The following ZNF681 variants were observed in gnomAD, a reference collection of about 807,000 sequenced individuals.
The protein encoded by ZNF681 is hypothetical protein FLJ31526.
Under a neutral mutation model 56.0 loss-of-function variants are expected in ZNF681, and 37 were observed. That is an observed-to-expected ratio of 0.66 (90% confidence interval 0.51 to 0.87). The LOEUF is 0.87. ZNF681 is among the 40% of genes least tolerant of loss of function. The probability of loss-of-function intolerance (pLI) is 0.00; values close to 1 mark genes in which losing one functional copy is unlikely to be tolerated. For missense variants in ZNF681, 741 were observed against 744.9 expected, an observed-to-expected ratio of 0.99 and a Z score of 0.06; for synonymous variants, 225 against 248.6, an observed-to-expected ratio of 0.91 and a Z score of 0.89.
Position 23,754,840 on chromosome 19 carries a change from A to C in ZNF681, c.209T>G (p.Met70Arg). The change falls in exon 3 of 4, where the codon ATG becomes AGG. Residue 70 changes from methionine to arginine, a missense_variant. Physicochemically the swap from Met to Arg is moderately conservative, Grantham distance 91 (BLOSUM62 -1). Coordinates refer to ENST00000402377, the MANE Select transcript of ZNF681 (RefSeq NM_138286.3). ...TCACCTACCTGGGGGTTCGGCCACCATCCTATGTCTCTTTCTAGTCCAAGG... is the reference window on the plus strand; with the variant it reads ...TCACCTACCTGGGGGTTCGGCCACCCTCCTATGTCTCTTTCTAGTCCAAGG... ...KEPWTRKRHR[M>R]VAEPPVICSH... The C allele has an allele frequency of 6.2e-7, 1 of 1,614,134 alleles. No individual in the cohort carries two copies.
At chr19:23,749,339 A>G (rs960483062) in intron 3 of ZNF681, among the ~76,000 whole-genome samples, 7 of 152,288 alleles carry the variant, frequency 4.6e-5, no homozygotes, top group Non-Finnish European at 5.9e-5. Flanking sequence ...GAGAGGGTAA[A>G]ATGTTCAGCT....
Position 23,744,836 on chromosome 19 carries a change from G to T in ZNF681, c.714C>A (p.Phe238Leu), listed in dbSNP as rs1176740400. ...CEECGKACNQ[F>L]TNLTTHKIIY... ...TTATCTTATGTGTAGTAAGGTTTGTGAACTGGTTACAGGCTTTGCCACATT... is the reference window on the plus strand; with the variant it reads ...TTATCTTATGTGTAGTAAGGTTTGTTAACTGGTTACAGGCTTTGCCACATT... The change falls in exon 4 of 4, where the codon TTC becomes TTA. Residue 238 changes from phenylalanine to leucine, a missense_variant. Transcript: ENST00000402377. 6.2e-7 allele frequency: 1 copy of T among 1,610,178 alleles called. No individual in the cohort carries two copies. Among genetic ancestry groups the T allele is most frequent in the Non-Finnish European group, 8.5e-7 (1 of 1,179,454 alleles).
At position 23,744,352 on chromosome 19, in the gene ZNF681, C is replaced by T. The variant is rs756580364; in HGVS notation, c.1198G>A (p.Gly400Ser). The change falls in exon 4 of 4, where the codon GGC becomes AGC. Residue 400 changes from glycine to serine, a missense_variant. Gly to Ser is a moderately conservative substitution (Grantham distance 56). Coordinates refer to ENST00000402377, the MANE Select transcript of ZNF681 (RefSeq NM_138286.3). ...TGTGAGGACTTGTTAAAAGCTTTGC[C>T]ACATTCTTCACATTTGTAGGGTTTC... ...GEKPYKCEECGKAFNKSSHLT... is the reference protein window; with the variant it reads ...GEKPYKCEECSKAFNKSSHLT... The T allele has an allele frequency of 2.5e-6, 4 of 1,613,868 alleles. No homozygotes were observed. The highest frequency in any genetic ancestry group is 2.2e-5 in the South Asian group (2 of 91,074).
At position 23,745,156 on chromosome 19, in the gene ZNF681, G is replaced by T. The variant is rs1419900477; in HGVS notation, c.394C>A (p.Gln132Lys). The change falls in exon 4 of 4, where the codon CAA (glutamine) becomes AAA (lysine). Residue 132 changes from glutamine (Q) to lysine (K), a missense_variant. Physicochemically the swap from Gln to Lys is moderately conservative, Grantham distance 53 (BLOSUM62 1). Transcript: ENST00000402377. ...VQKGGYNGLN[Q>K]CLPTTQSKIF... ...TTGCTCTGGGTAGTTGGCAAACATT[G>T]GTTAAGTCCATTATAACCTCCTTTT... 1 of 1,612,336 alleles carries T rather than the reference G, an allele frequency of 6.2e-7. No homozygotes were observed.
At position 23,740,240 on chromosome 19, in the gene ZNF681, AC is replaced by A. The variant is rs1278489076; in HGVS notation, c.*3371del. The A allele has an allele frequency of 3.3e-5, 5 of 152,184 alleles. No individual in the cohort carries two copies. The highest frequency in any genetic ancestry group is 7.4e-5 in the Non-Finnish European group (5 of 68,024). The allele number at this position is 152,184 out of a possible 1,614,324, so 9.4% of individuals were successfully genotyped here. Reference sequence around the variant, plus strand: ...ACCAATCTTGCAGTGCATTAAAAATACCGATTTCTCATCAAAACCTACAATA... The same window carrying A: ...ACCAATCTTGCAGTGCATTAAAAATACGATTTCTCATCAAAACCTACAATA... On this transcript the variant is annotated 3_prime_UTR_variant, in exon 4 of 4. Transcript: ENST00000402377.
chr19:23,757,909 G>A (rs1334595624), intron 1 of ZNF681, among the ~76,000 whole-genome samples: 3 of 151,904 alleles, frequency 2.0e-5, no homozygotes, highest in Non-Finnish European at 4.4e-5. Flanking sequence ...CTTAGACCCT[G>A]CCCTATCAAT....
In ZNF681 at chr19:23,743,872, TC is replaced by T; in HGVS notation, c.1677del (p.Lys560AsnfsTer105). 6.2e-7 allele frequency: 1 copy of T among 1,601,148 alleles called. No homozygotes were observed. The highest frequency in any genetic ancestry group is 1.1e-5 in the South Asian group (1 of 90,362). Reference sequence around the variant, plus strand: ...CCACATTCTTCACATTGGTAGGGTTTCTCTCCAGTATGAATTACCTTATGTG... The same window carrying T: ...CCACATTCTTCACATTGGTAGGGTTTTCTCCAGTATGAATTACCTTATGTG... ...LATHKVIHTG[E>X]KPYQCEECGK... On this transcript the variant is annotated frameshift_variant, in exon 4 of 4. Coordinates refer to ENST00000402377, the MANE Select transcript of ZNF681 (RefSeq NM_138286.3). LOFTEE classifies it high-confidence loss of function.
At chr19:23,747,847 G>A (rs1306989683) in intron 3 of ZNF681, among the ~76,000 whole-genome samples, 1 of 151,898 alleles carries the variant, frequency 6.6e-6, no homozygotes, top group Admixed American at 6.6e-5. Flanking sequence ...AAACAGAATA[G>A]AGAGCCCAGA....
Position 23,749,284 on chromosome 19 carries a change from C to T in ZNF681, c.227-3961G>A, listed in dbSNP as rs575149508. On this transcript the variant is annotated intron_variant, in intron 3 of 3. Coordinates refer to ENST00000402377, the MANE Select transcript of ZNF681 (RefSeq NM_138286.3). ...TTATAGGAGATATCTTAAGTAGTCA[C>T]GCTCATAAAAACAGAAAGTAGAAGG... 7.9e-5 allele frequency among the ~76,000 whole-genome samples: 12 copies of T among 152,186 alleles called. No individual in the cohort carries two copies. The East Asian group carries it at 9.6e-4, about 12-fold the overall frequency.
chr19:23,750,407 ACATATGG>A (rs1568311354), intron 3 of ZNF681, among the ~76,000 whole-genome samples: 1 of 152,186 alleles, frequency 6.6e-6, no homozygotes, highest in East Asian at 1.9e-4. Flanking sequence ...ATTGTGATAG[ACATATGG>A]CTGATGTACC....
At chr19:23,755,350 C>G (rs1240884532) in intron 2 of ZNF681, 75 bp downstream of exon 2, 3 of 1,514,374 alleles carry the variant, frequency 2.0e-6, no homozygotes, top group Non-Finnish European at 2.6e-6. Flanking sequence ...CATAAATTAC[C>G]TAAAAACATT....
In ZNF681 at chr19:23,740,148, CTG is replaced by C. The variant is rs1478114490; in HGVS notation, c.*3462_*3463del. The C allele has an allele frequency of 2.6e-5, 4 of 152,128 alleles. No homozygotes were observed. Among genetic ancestry groups the C allele is most frequent in the African/African-American group, 7.2e-5 (3 of 41,434 alleles). 9.4% of individuals were successfully genotyped at this position (152,128 alleles called of 1,614,324 possible). ...GATTTAATCCTTTCATCTGTGGACA[CTG>C]TATGCTTTTTGTTTTAATTTAACTG... On this transcript the variant is annotated 3_prime_UTR_variant, in exon 4 of 4. Coordinates refer to ENST00000402377, the MANE Select transcript of ZNF681 (RefSeq NM_138286.3).
intron 3 of ZNF681, among the ~76,000 whole-genome samples, chr19:23,749,269 T>C (rs1016149679): frequency 1.3e-5 from 2 of 152,214 alleles, no homozygotes; most frequent in African/African-American, 4.8e-5. Context: ...TTATAGGAGA[T>C]ATCTTAAGTA....
intron 2 of ZNF681, 119 bp from the exon 3 acceptor site, chr19:23,755,037 G>T: frequency 1.2e-5 from 8 of 661,578 alleles, no homozygotes; most frequent in South Asian, 6.1e-5. Flanking sequence ...CCAAAATACT[G>T]ATTTATAAAA....
At position 23,745,112 on chromosome 19, in the gene ZNF681, T is replaced by A. The variant is rs377632997; in HGVS notation, c.438A>T (p.Lys146Asn). Residue 146 changes from lysine to asparagine, a missense_variant, in exon 4 of 4, where the codon AAA becomes AAT. Physicochemically the swap from Lys to Asn is moderately conservative, Grantham distance 94. Transcript: ENST00000402377. ...TTQSKIFQCD[K>N]YMKIFHKFSN... ...AAAATTTATGAAAGATTTTCATATA[T>A]TTATCACATTGAAATATTTTGCTCT... The A allele has an allele frequency of 7.5e-6, 12 of 1,609,414 alleles. No homozygotes were observed. The East Asian group carries it at 2.0e-4, about 27-fold the overall frequency.
chr19:23,748,992 T>G (rs974651342), intron 3 of ZNF681, among the ~76,000 whole-genome samples: 6 of 152,196 alleles, frequency 3.9e-5, no homozygotes, highest in Non-Finnish European at 7.3e-5. Flanking sequence ...ATAATTCAAT[T>G]TGTAAATCTA....
rs535631591 is a variant in ZNF681 at position 23,745,641 on chromosome 19, C to T, written c.227-318G>A. Among the ~76,000 whole-genome samples, 120 of 151,854 alleles carry T rather than the reference C, an allele frequency of 7.9e-4. 1 individual carries two copies. The highest frequency in any genetic ancestry group is 9.2e-4 in the African/African-American group (38 of 41,402). On this transcript the variant is annotated intron_variant, in intron 3 of 3. Transcript: ENST00000402377. ...CTAATATTTGTATTTTTAGTAGAAACGGGGTTTCACCATATTGGCCAGGCT... is the reference window on the plus strand; with the variant it reads ...CTAATATTTGTATTTTTAGTAGAAATGGGGTTTCACCATATTGGCCAGGCT...
chr19:23,754,348 G>A (rs370905153), intron 3 of ZNF681, among the ~76,000 whole-genome samples: 126 of 152,226 alleles, frequency 8.3e-4, no homozygotes, highest in African/African-American at 2.8e-3. Flanking sequence ...TAAGACAGAA[G>A]ACTCCCTTAT....
rs1277265761 is a variant in ZNF681 at position 23,739,561 on chromosome 19, TCAAAA to T, written c.*4046_*4050del. 2.6e-5 allele frequency: 4 copies of T among 152,172 alleles called. No individual in the cohort carries two copies. The highest frequency in any genetic ancestry group is 9.7e-5 in the African/African-American group (4 of 41,428). The allele number at this position is 152,172 out of a possible 1,614,324, so 9.4% of individuals were successfully genotyped here. The stretch of plus-strand genomic sequence containing the variant: ...AAGCATTTGACAATGTGTATATACT[TCAAAA>T]TGTCATGCTTCACAGAATAAATGCA... On this transcript the variant is annotated 3_prime_UTR_variant, in exon 4 of 4. Transcript: ENST00000402377.
Sources: gnomAD v4.1 joint callset for allele counts (sites outside exome capture counted in the v4.1 genomes callset) on GRCh38, gnomAD v4.1.1 for gene constraint, MANE v1.5 for transcripts, NCBI Gene and HGNC (gene_info 2026-07-23, HGNC 2026-07-21) for gene names.